The following ART3 variants were observed in gnomAD, a reference collection of about 807,000 sequenced individuals.
ART3 encodes ADP-ribosyltransferase 3 (inactive), also known as ecto-ADP-ribosyltransferase 3.
In ART3, 49 loss-of-function variants were observed where a neutral mutation model predicts 48.5. The ratio of observed to expected loss-of-function variants is 1.01; its 90% CI spans 0.80 to 1.28. The LOEUF (loss-of-function observed/expected upper bound fraction) is 1.28, where lower values mean the gene tolerates loss of function less well. Ranked by LOEUF, ART3 falls within the 50% of genes most tolerant of loss-of-function variation. ART3 has a pLI of 0.00. For missense variants in ART3, 438 were observed against 454.3 expected (o/e 0.96, Z 0.33); for synonymous variants, 145 against 157.2 (o/e 0.92, Z 0.58).
intron 10 of ART3, chr4:76,106,312 G>C: frequency 5.1e-6 from 5 of 985,398 alleles, no homozygotes; most frequent in Non-Finnish European, 6.0e-6. Context: ...TTCTATGCTA[G>C]GCACACACTT....
chr4:76,067,764 GAATA>G (rs1161404140), intron 1 of ART3, among the ~76,000 whole-genome samples: 7 of 152,198 alleles, frequency 4.6e-5, no homozygotes, highest in Admixed American at 4.6e-4. Context: ...AGTTTTCTTT[GAATA>G]AATATTTAAA....
chr4:76,068,225 G>T (rs551810334), intron 1 of ART3, among the ~76,000 whole-genome samples: 2 of 152,018 alleles, frequency 1.3e-5, no homozygotes, highest in Non-Finnish European at 2.9e-5. Context: ...TGTGACTTTT[G>T]ACAAATGTAT....
At chr4:76,084,737 C>A (rs1420493056) in intron 3 of ART3, among the ~76,000 whole-genome samples, 1 of 152,154 alleles carries the variant, frequency 6.6e-6, no homozygotes, top group Non-Finnish European at 1.5e-5. Flanking sequence ...AGCTGTGTGA[C>A]CTTACAGCAT....
chr4:76,022,263 T>G, intron 1 of ART3: 1 of 961,760 alleles, frequency 1.0e-6, no homozygotes. Context: ...GTAACATACT[T>G]TTAAACCAGC....
intron 1 of ART3, among the ~76,000 whole-genome samples, chr4:76,045,746 G>C (rs1215774230): frequency 6.6e-5 from 10 of 151,978 alleles, no homozygotes; most frequent in Non-Finnish European, 5.9e-5. Flanking sequence ...ATGAGTATTT[G>C]CCCTCTGGGT....
intron 1 of ART3, among the ~76,000 whole-genome samples, chr4:76,015,426 A>G (rs978824738): frequency 6.6e-6 from 1 of 152,192 alleles, no homozygotes; most frequent in Non-Finnish European, 1.5e-5. Flanking sequence ...AATATACAGA[A>G]AAGAAAAGAG....
intron 1 of ART3, among the ~76,000 whole-genome samples, chr4:76,037,540 T>A (rs1309415678): frequency 6.6e-6 from 1 of 152,146 alleles, no homozygotes; most frequent in Non-Finnish European, 1.5e-5. Flanking sequence ...CAATCATAGC[T>A]CACTGCAGCC....
intron 3 of ART3, 28 bp downstream of exon 3, chr4:76,082,563 C>A: frequency 6.6e-7 from 1 of 1,513,282 alleles, no homozygotes; most frequent in Non-Finnish European, 8.8e-7. Context: ...CTGTGCTTGG[C>A]TGGGAGGGAA....
intron 1 of ART3, chr4:76,021,751 C>T: frequency 1.5e-6 from 1 of 673,318 alleles, no homozygotes; most frequent in Non-Finnish European, 2.7e-6. Context: ...TGAACATTAA[C>T]CTTCCTACAG....
At chr4:76,039,166 C>G (rs1365628309) in intron 1 of ART3, among the ~76,000 whole-genome samples, 1 of 148,568 alleles carries the variant, frequency 6.7e-6, no homozygotes, top group African/African-American at 2.5e-5. Flanking sequence ...GTGGCATGAT[C>G]TCGGCTTACT....
At position 76,082,282 on chromosome 4, in the gene ART3, C is replaced by T. The variant is rs367979709; in HGVS notation, c.528C>T (p.Asn176=). ...QGTSFTFGGL[N]QARFGHFTLA... is the part of the protein sequence containing the mutation. ...CTTCATTTACATTTGGAGGGCTAAACCAAGCCAGGTTTGGCCATTTTACCT... is the reference window on the plus strand; with the variant it reads ...CTTCATTTACATTTGGAGGGCTAAATCAAGCCAGGTTTGGCCATTTTACCT... Residue 176 remains asparagine (N), a synonymous_variant, in exon 3 of 12, where the codon AAC becomes AAT. Transcript: ENST00000355810. 2.4e-5 allele frequency: 39 copies of T among 1,614,078 alleles called. No individual in the cohort carries two copies. The highest frequency in any genetic ancestry group is 3.0e-5 in the Non-Finnish European group (35 of 1,180,050).
At chr4:76,098,013 C>G (rs1410282637) in intron 4 of ART3, among the ~76,000 whole-genome samples, 1 of 152,180 alleles carries the variant, frequency 6.6e-6, no homozygotes, top group Non-Finnish European at 1.5e-5. Context: ...CATCTTCAGC[C>G]ATTTCCCACT....
At chr4:76,108,489 T>C (rs1018398467) in intron 11 of ART3, among the ~76,000 whole-genome samples, 2 of 152,120 alleles carry the variant, frequency 1.3e-5, no homozygotes, top group African/African-American at 4.8e-5. Context: ...GGTCAATTTT[T>C]CATGGTCCAG....
intron 1 of ART3, among the ~76,000 whole-genome samples, chr4:76,050,939 G>C (rs961872597): frequency 1.3e-5 from 2 of 152,172 alleles, no homozygotes; most frequent in African/African-American, 2.4e-5. Context: ...CAGGGCCGGC[G>C]GGCTGCTCCG....
chr4:76,052,713 TC>T (rs112446248), intron 1 of ART3, among the ~76,000 whole-genome samples: 6 of 88,394 alleles, frequency 6.8e-5, no homozygotes, highest in South Asian at 3.7e-4. Flanking sequence ...ATTTCTTTTT[TC>T]CTTCTTTTTT....
intron 10 of ART3, chr4:76,105,532 G>C (rs1426425701): frequency 4.7e-6 from 6 of 1,289,008 alleles, no homozygotes; most frequent in Non-Finnish European, 6.1e-6. Context: ...GAATAAAAAT[G>C]ATACAACTGA....
At chr4:76,065,642 T>C (rs1719662426) in intron 1 of ART3, among the ~76,000 whole-genome samples, 2 of 150,966 alleles carry the variant, frequency 1.3e-5, no homozygotes, top group African/African-American at 4.9e-5. Context: ...CTCACTGAAA[T>C]AGGGGGAAAG....
intron 1 of ART3, among the ~76,000 whole-genome samples, chr4:76,056,209 A>T (rs2149469341): frequency 6.6e-6 from 1 of 152,308 alleles, no homozygotes; most frequent in South Asian, 2.1e-4. Flanking sequence ...CCTAGGTGTT[A>T]TCTCTCTGCT....
At chr4:76,065,834 A>T (rs1405056298) in intron 1 of ART3, among the ~76,000 whole-genome samples, 1 of 152,030 alleles carries the variant, frequency 6.6e-6, no homozygotes, top group South Asian at 2.1e-4. Flanking sequence ...AATACGCATT[A>T]TTTTGAAAAT....
Sources: gnomAD v4.1 joint callset for allele counts (sites outside exome capture counted in the v4.1 genomes callset) on GRCh38, gnomAD v4.1.1 for gene constraint, MANE v1.5 for transcripts, NCBI Gene and HGNC (gene_info 2026-07-23, HGNC 2026-07-21) for gene names.